Variants in HEATR5B observed in about 807,000 individuals in gnomAD.
HEATR5B encodes HEAT repeat-containing protein 5B.
Under a neutral mutation model 224.1 loss-of-function variants are expected in HEATR5B, and 156 were observed. That is an observed-to-expected ratio of 0.70 (90% CI 0.61 to 0.80). HEATR5B has a LOEUF of 0.80. Among genes scored for constraint, HEATR5B ranks in the 30% least tolerant of loss-of-function variants. The pLI is 0.00. For missense variants in HEATR5B, 2,323 were observed against 2,535.5 expected (o/e 0.92, Z 1.80); for synonymous variants, 1,027 against 893.0 (o/e 1.15, Z -2.68).
At chr2:36,996,923 T>G (rs1284470708) in intron 33 of HEATR5B, among the ~76,000 whole-genome samples, 1 of 151,968 alleles carries the variant, frequency 6.6e-6, no homozygotes, top group Non-Finnish European at 1.5e-5. Flanking sequence ...AAACGGGGTT[T>G]CACCACTGAG....
chr2:37,058,834 G>T (rs1671074263), intron 13 of HEATR5B, 54 bp downstream of exon 13: 3 of 1,058,958 alleles, frequency 2.8e-6, no homozygotes, highest in South Asian at 1.5e-5. Flanking sequence ...TGGCTGAGAA[G>T]TATATTATTA....
intron 25 of HEATR5B, 38 bp from the exon 26 acceptor site, chr2:37,019,915 A>AT: frequency 6.9e-7 from 1 of 1,444,384 alleles, no homozygotes; most frequent in Non-Finnish European, 9.6e-7. Flanking sequence ...TTTTACTTTT[A>AT]TTTTTTGAGA....
intron 15 of HEATR5B, 69 bp from the exon 16 acceptor site, chr2:37,056,684 T>C: frequency 7.5e-7 from 1 of 1,334,176 alleles, no homozygotes; most frequent in South Asian, 1.5e-5. Context: ...ACATTGGGAA[T>C]GAGGATTACA....
At chr2:37,056,710 GA>G in intron 15 of HEATR5B, 95 bp from the exon 16 acceptor site, 1 of 982,770 alleles carries the variant, frequency 1.0e-6, no homozygotes, top group Non-Finnish European at 1.4e-6. Context: ...GGAGAAAGGA[GA>G]AAAGGCAACA....
At chr2:37,029,401 C>T (rs909887824) in intron 22 of HEATR5B, among the ~76,000 whole-genome samples, 9 of 152,068 alleles carry the variant, frequency 5.9e-5, no homozygotes, top group African/African-American at 1.9e-4. Flanking sequence ...CAGTGGCTCA[C>T]GCCTGTAATC....
chr2:37,022,146 G>T (rs956792393), intron 24 of HEATR5B, among the ~76,000 whole-genome samples: 1 of 151,448 alleles, frequency 6.6e-6, no homozygotes, highest in Non-Finnish European at 1.5e-5. Flanking sequence ...GTCACTTTTT[G>T]GTTCACACTT....
chr2:36,984,235 T>TATATATATATATATATATATATAA (rs1665798214), intron 35 of HEATR5B, among the ~76,000 whole-genome samples: 1 of 115,752 alleles, frequency 8.6e-6, no homozygotes, highest in Non-Finnish European at 1.8e-5. Flanking sequence ...TATATATATA[T>TATATATATATATATATATATATAA]ATAAAACTGG....
rs1672839570 is a variant in HEATR5B, at chr2:37,084,313, G to C, written c.-67C>G. On this transcript the variant is annotated 5_prime_UTR_variant, in exon 1 of 36. Coordinates refer to ENST00000233099, the MANE Select transcript of HEATR5B (RefSeq NM_019024.3). ...GATCAGCTGAGCTCCGGGGGTAGAAGCAGCCACCAAGAGACCCGGATGCCC... is the reference window on the plus strand; with the variant it reads ...GATCAGCTGAGCTCCGGGGGTAGAACCAGCCACCAAGAGACCCGGATGCCC... The C allele has an allele frequency of 2.5e-6, 1 of 400,348 alleles. No homozygotes were observed. Among genetic ancestry groups the C allele is most frequent in the Non-Finnish European group, 4.4e-6 (1 of 228,786 alleles). 24.8% of individuals were successfully genotyped at this position (400,348 alleles called of 1,614,324 possible). A position where few individuals can be genotyped will look rare whatever the true frequency, so the allele number is the denominator to read the frequency against.
chr2:36,990,722 T>C lies in HEATR5B; in HGVS notation c.5623A>G (p.Ile1875Val). Residue 1875 changes from isoleucine (I) to valine (V), a missense_variant, in exon 34 of 36, where the codon ATA (isoleucine) becomes GTA (valine). By Grantham distance (29) the Ile-to-Val change is conservative. Around this residue, in one of 12 missense-constraint regions of HEATR5B, gnomAD observed 844 missense variants for 812.9 expected, o/e 1.04. Coordinates refer to ENST00000233099, the MANE Select transcript of HEATR5B (RefSeq NM_019024.3). Reference protein sequence around the residue: ...ALFLWSASNEIIGVQSLQNGC... With the variant: ...ALFLWSASNEVIGVQSLQNGC... ...TTCTGTAATGACTGGACTCCTATTATTTCATTACTAGCAGACCACAGGAAG... is the reference window on the plus strand; with the variant it reads ...TTCTGTAATGACTGGACTCCTATTACTTCATTACTAGCAGACCACAGGAAG... 7 of 1,612,442 alleles carry C rather than the reference T, an allele frequency of 4.3e-6. No homozygotes were observed. The highest frequency in any genetic ancestry group is 5.9e-6 in the Non-Finnish European group (7 of 1,178,884).
chr2:36,988,455 T>TG (rs1666095135), intron 35 of HEATR5B, among the ~76,000 whole-genome samples, 191 bp downstream of exon 35: 1 of 152,072 alleles, frequency 6.6e-6, no homozygotes, highest in Non-Finnish European at 1.5e-5. Context: ...AGAGATCAGG[T>TG]TTCACTATGT....
chr2:37,057,869 T>C (rs1572905947), intron 14 of HEATR5B, among the ~76,000 whole-genome samples: 1 of 152,308 alleles, frequency 6.6e-6, no homozygotes, highest in East Asian at 1.9e-4. Flanking sequence ...AAAGATACTT[T>C]ATTTTAAATA....
intron 2 of HEATR5B, among the ~76,000 whole-genome samples, chr2:37,082,560 A>G (rs1354413896): frequency 6.6e-6 from 1 of 152,210 alleles, no homozygotes; most frequent in Non-Finnish European, 1.5e-5. Flanking sequence ...AAACCGCTTA[A>G]AGGCGCTCTT....
At chr2:37,066,373 C>T (rs76271214) in intron 8 of HEATR5B, among the ~76,000 whole-genome samples, 1,563 of 152,302 alleles carry the variant, frequency 0.01, 30 homozygotes, top group African/African-American at 0.035. Flanking sequence ...AAGAATTTAA[C>T]ACAATGCTGC....
chr2:37,023,767 A>C (rs1205543727), intron 24 of HEATR5B, among the ~76,000 whole-genome samples: 1 of 152,012 alleles, frequency 6.6e-6, no homozygotes, highest in Non-Finnish European at 1.5e-5. Context: ...ACAGAGCAAG[A>C]CTCTGTCTCA....
Position 37,075,563 on chromosome 2 carries a change from G to C in HEATR5B, c.519C>G (p.Ser173=). ...VLSGLGGAAA[S]SHRDIYKNAR... ...CATTCTTGTAAATATCACGATGGGA[G>C]GAAGCTGCTGCACCACCCAGTCCAC... Residue 173 remains serine (S), a synonymous_variant, in exon 5 of 36, where the codon TCC becomes TCG. Coordinates refer to ENST00000233099, the MANE Select transcript of HEATR5B (RefSeq NM_019024.3). The C allele has an allele frequency of 2.5e-6, 4 of 1,613,858 alleles. No homozygotes were observed. Among genetic ancestry groups the C allele is most frequent in the South Asian group, 1.1e-5 (1 of 91,058 alleles).
At position 37,079,113 on chromosome 2, in the gene HEATR5B, T is replaced by A. The variant is rs1390921343; in HGVS notation, c.338+7A>T. 7.2e-6 allele frequency: 11 copies of A among 1,537,968 alleles called. No individual in the cohort carries two copies. The highest frequency in any genetic ancestry group is 1.1e-5 in the South Asian group (1 of 87,134). Reference sequence around the variant, plus strand: ...CTTCAAGGGCCCCTATTAAAGTAAGTACTTACAATTTTGTTGGTAAGTAGG... The same window carrying A: ...CTTCAAGGGCCCCTATTAAAGTAAGAACTTACAATTTTGTTGGTAAGTAGG... On this transcript the variant is annotated splice_region_variant and intron_variant, in intron 3 of 35. Transcript: ENST00000233099.
rs1295251393 is a variant in HEATR5B, at chr2:37,056,436, T to C, written c.2399+4A>G. 1.9e-6 allele frequency: 3 copies of C among 1,588,974 alleles called. No individual in the cohort carries two copies. Among genetic ancestry groups the C allele is most frequent in the Non-Finnish European group, 8.5e-7 (1 of 1,171,372 alleles). ...AAAAATTACCTGATTGACTTTATAC[T>C]AACCGGTGTTTATAAGAAACATGAG... On this transcript the variant is annotated splice_donor_region_variant and intron_variant, in intron 16 of 35. Transcript: ENST00000233099.
At chr2:37,020,923 A>T in intron 24 of HEATR5B, 87 bp from the exon 25 acceptor site, 1 of 770,752 alleles carries the variant, frequency 1.3e-6, no homozygotes, top group South Asian at 2.2e-5. Context: ...TAAATTTTTG[A>T]TAAAAAACAC....
chr2:37,060,363 C>G (rs1671207662), intron 12 of HEATR5B, among the ~76,000 whole-genome samples: 1 of 152,012 alleles, frequency 6.6e-6, no homozygotes, highest in East Asian at 1.9e-4. Flanking sequence ...TGTCTAACCA[C>G]CAGGTCTAAA....
Sources: gnomAD v4.1 joint callset for allele counts (sites outside exome capture counted in the v4.1 genomes callset) on GRCh38, gnomAD v4.1.1 for gene constraint, gnomAD v4.1.1 regional missense constraint, MANE v1.5 for transcripts, NCBI Gene and HGNC (gene_info 2026-07-23, HGNC 2026-07-21) for gene names.